The following RFC2 variants were observed in gnomAD, a reference collection of about 807,000 sequenced individuals.
RFC2 encodes the protein A1 40 kDa subunit.
RFC2 carries 34 observed loss-of-function variants against 44.8 expected under a neutral mutation model. The observed-to-expected ratio is 0.76, with a 90% CI of 0.58 to 1.01. RFC2 has a LOEUF of 1.01. Ranked by LOEUF, RFC2 falls within the 50% of genes least tolerant of loss-of-function variation. The pLI is 0.00. For missense variants in RFC2, 400 were observed against 453.6 expected (o/e 0.88, Z 1.07); for synonymous variants, 177 against 168.9 (o/e 1.05, Z -0.37).
chr7:74,236,228 CTTTTTGCCTTT>C (rs1164766038), intron 9 of RFC2, among the ~76,000 whole-genome samples: 1 of 152,092 alleles, frequency 6.6e-6, no homozygotes, highest in Non-Finnish European at 1.5e-5. Flanking sequence ...GGAGGCAGGC[CTTTTTGCCTTT>C]GTTTTGGCAT....
In RFC2 at chr7:74,232,235, T is replaced by G; in HGVS notation, c.955-19A>C. On this transcript the variant is annotated intron_variant, in intron 10 of 10. Coordinates refer to ENST00000055077, the MANE Select transcript of RFC2 (RefSeq NM_181471.3). ...CAATTTCCTGAAAAACAAACCAAATTCAAATCTGGTTAATAAGTGGGGGAG... is the reference window on the plus strand; with the variant it reads ...CAATTTCCTGAAAAACAAACCAAATGCAAATCTGGTTAATAAGTGGGGGAG... 1 of 1,366,056 alleles carries G rather than the reference T, an allele frequency of 7.3e-7. No individual in the cohort carries two copies. Among genetic ancestry groups the G allele is most frequent in the South Asian group, 1.2e-5 (1 of 85,376 alleles). 84.6% of individuals were successfully genotyped at this position (1,366,056 alleles called of 1,614,324 possible).
intron 7 of RFC2, among the ~76,000 whole-genome samples, 182 bp from the exon 8 acceptor site, chr7:74,239,170 CTTT>C (rs34664628): frequency 5.2e-4 from 56 of 107,982 alleles, no homozygotes; most frequent in African/African-American, 2.3e-3. Flanking sequence ...CCAAGGGTGA[CTTT>C]TTTTTTTTTT....
At chr7:74,249,907 C>G (rs1584265184) in intron 2 of RFC2, 127 bp from the exon 3 acceptor site, 2 of 827,346 alleles carry the variant, frequency 2.4e-6, no homozygotes, top group East Asian at 5.0e-5. Flanking sequence ...GCCTGTAATC[C>G]TAGCAGTTTG....
At chr7:74,254,144 G>A in intron 1 of RFC2, 127 bp downstream of exon 1, 1 of 717,234 alleles carries the variant, frequency 1.4e-6, no homozygotes, top group South Asian at 1.5e-5. Context: ...GATGCCACCC[G>A]GGGCCTCCTC....
At chr7:74,240,241 G>A (rs782230958) in intron 6 of RFC2, 146 bp from the exon 7 acceptor site, 8 of 665,924 alleles carry the variant, frequency 1.2e-5, no homozygotes, top group African/African-American at 1.8e-5. Flanking sequence ...GAGGGCTCAC[G>A]CCTGAATCCC....
At chr7:74,233,875 G>A (rs782327850) in intron 10 of RFC2, 1 of 456,552 alleles carries the variant, frequency 2.2e-6, no homozygotes, top group South Asian at 1.5e-5. Flanking sequence ...CAGCCACTTC[G>A]GAAAACCGTT....
In RFC2 at chr7:74,238,929, C is replaced by A; in HGVS notation, c.753G>T (p.Val251=). The A allele has an allele frequency of 1.2e-6, 2 of 1,613,738 alleles. No individual in the cohort carries two copies. The change falls in exon 8 of 11, where the codon GTG becomes GTT. Residue 251 remains valine, a synonymous_variant. Coordinates refer to ENST00000055077, the MANE Select transcript of RFC2 (RefSeq NM_181471.3). The surrounding 1 kb of genome is among the most constrained non-coding windows in gnomAD (Gnocchi z 4.0). Reference sequence around the variant, plus strand: ...CCCACACTAGCGCTTGTACCTTGAACACGTTCTCACTGTTAATGAAGCCAA... The same window carrying A: ...CCCACACTAGCGCTTGTACCTTGAAAACGTTCTCACTGTTAATGAAGCCAA... ...SGFGFINSEN[V]FKVCDEPHPL...
intron 9 of RFC2, among the ~76,000 whole-genome samples, chr7:74,236,372 C>T (rs3135694): frequency 0.026 from 3,900 of 152,296 alleles, 172 homozygotes; most frequent in African/African-American, 0.088. Context: ...ACTCCGGTTT[C>T]ACATTGGGTG....
At chr7:74,241,950 ACT>A (rs1432496514) in intron 6 of RFC2, among the ~76,000 whole-genome samples, 2 of 152,042 alleles carry the variant, frequency 1.3e-5, no homozygotes, top group Admixed American at 6.6e-5. Context: ...ACAGAGCGAG[ACT>A]CTCTCTACAA....
intron 3 of RFC2, 48 bp from the exon 4 acceptor site, chr7:74,249,166 C>T (rs372846015): frequency 1.9e-6 from 3 of 1,612,124 alleles, no homozygotes; most frequent in Non-Finnish European, 2.5e-6. Flanking sequence ...AGAAGGACCT[C>T]AGGTAGCTCT....
chr7:74,239,911 A>C, intron 7 of RFC2, 27 bp downstream of exon 7: 1 of 1,563,100 alleles, frequency 6.4e-7, no homozygotes, highest in Non-Finnish European at 8.7e-7. Context: ...CAGGATGCCC[A>C]CGCCTGAATG....
chr7:74,236,726 G>C (rs1417540869), intron 9 of RFC2, among the ~76,000 whole-genome samples: 1 of 152,162 alleles, frequency 6.6e-6, no homozygotes, highest in African/African-American at 2.4e-5. Flanking sequence ...GACTTTGGCT[G>C]ACAAATTTCT....
chr7:74,244,360 A>AT (rs35362317), intron 5 of RFC2, among the ~76,000 whole-genome samples: 13 of 146,558 alleles, frequency 8.9e-5, no homozygotes, highest in African/African-American at 3.0e-4. Flanking sequence ...AAAAAAAAAA[A>AT]TTTTTTTTTT....
chr7:74,231,669 G>C lies in RFC2; in HGVS notation c.*437C>G, dbSNP rs1422725546. ...AGACGTCCCAGAAGCAAACATGCAA[G>C]TCACGGGAGTTTATTTATTTAATTT... On this transcript the variant is annotated 3_prime_UTR_variant, in exon 11 of 11. Transcript: ENST00000055077. 1 of 156,328 alleles carries C rather than the reference G, an allele frequency of 6.4e-6. No homozygotes were observed. Among genetic ancestry groups the C allele is most frequent in the Non-Finnish European group, 1.4e-5 (1 of 70,356 alleles). 9.7% of individuals were successfully genotyped at this position (156,328 alleles called of 1,614,324 possible).
intron 5 of RFC2, 151 bp from the exon 6 acceptor site, chr7:74,243,397 C>A: frequency 3.3e-6 from 2 of 608,708 alleles, no homozygotes; most frequent in East Asian, 5.6e-5. Context: ...AATGCTAACA[C>A]CTGCAGGCCG....
chr7:74,235,884 C>A (rs1039784320), intron 9 of RFC2, among the ~76,000 whole-genome samples: 1 of 151,920 alleles, frequency 6.6e-6, no homozygotes, highest in Non-Finnish European at 1.5e-5. Flanking sequence ...GTCCCAAGTT[C>A]CCGGCCTCAA....
intron 2 of RFC2, among the ~76,000 whole-genome samples, chr7:74,250,744 T>C (rs574193357): frequency 6.6e-6 from 1 of 152,190 alleles, no homozygotes; most frequent in South Asian, 2.1e-4. Context: ...CAAATCCATT[T>C]CCCATCCTGT....
chr7:74,241,886 G>A (rs1803347082), intron 6 of RFC2, among the ~76,000 whole-genome samples: 1 of 152,218 alleles, frequency 6.6e-6, no homozygotes, highest in Non-Finnish European at 1.5e-5. Context: ...CTTGAATCCA[G>A]GCAGCGGAGA....
chr7:74,234,738 C>G (rs922379843), intron 10 of RFC2, among the ~76,000 whole-genome samples: 3 of 151,992 alleles, frequency 2.0e-5, no homozygotes, highest in Non-Finnish European at 2.9e-5. Context: ...GAGCCTGGCA[C>G]CTCCCTCCGT....
Sources: allele counts gnomAD v4.1 joint callset (sites outside exome capture counted in the v4.1 genomes callset), GRCh38; gene constraint gnomAD v4.1.1; non-coding constraint Gnocchi (gnomAD v3.1); transcripts MANE v1.5; gene names NCBI Gene and HGNC (gene_info 2026-07-23, HGNC 2026-07-21).